Variants in SPTAN1 observed in about 807,000 individuals in gnomAD.
SPTAN1 encodes the protein spectrin alpha chain, non-erythrocytic 1.
A neutral mutation model predicts 331.3 loss-of-function variants in SPTAN1; 61 were observed. That is an observed-to-expected ratio of 0.18 (90% CI 0.15 to 0.23). SPTAN1 has a LOEUF of 0.23. SPTAN1 is among the 10% of genes least tolerant of loss of function. SPTAN1 has a pLI of 1.00. For synonymous variants in SPTAN1, 1,153 were observed against 1,173.9 expected, an observed-to-expected ratio of 0.98 and a Z score of 0.36; for missense variants, 2,043 against 3,147.9, an observed-to-expected ratio of 0.65 and a Z score of 8.40.
Position 128,584,451 on chromosome 9 carries a change from A to C in SPTAN1, c.2363A>C (p.Gln788Pro). The C allele has an allele frequency of 6.2e-7, 1 of 1,614,122 alleles. No homozygotes were observed. Among genetic ancestry groups the C allele is most frequent in the Non-Finnish European group, 8.5e-7 (1 of 1,179,988 alleles). ...CTGGCCGATTCTCTGCGGTTGCAGC[A>C]GCTCTTCCGGGATGTTGAGGATGAG... ...QKLADSLRLQ[Q>P]LFRDVEDEET... Residue 788 changes from glutamine to proline, a missense_variant, in exon 17 of 57, where the codon CAG (glutamine) becomes CCG (proline). Coordinates refer to ENST00000372739, the MANE Select transcript of SPTAN1 (RefSeq NM_001130438.3).
Position 128,577,031 on chromosome 9 carries a change from G to GT in SPTAN1, c.785+76dup. 6.2e-7 allele frequency: 1 copy of GT among 1,613,614 alleles called. No homozygotes were observed. Reference sequence around the variant, plus strand: ...GTTGTGAAGCACAGGGCATGTGCTGGTGAGCTGTCGAGGCTGACTAGGCCT... The same window carrying GT: ...GTTGTGAAGCACAGGGCATGTGCTGGTTGAGCTGTCGAGGCTGACTAGGCCT... On this transcript the variant is annotated intron_variant, in intron 6 of 56. Coordinates refer to ENST00000372739, the MANE Select transcript of SPTAN1 (RefSeq NM_001130438.3). The surrounding 1 kb of genome is among the most constrained non-coding windows in gnomAD (Gnocchi z 4.2).
intron 52 of SPTAN1, chr9:128,631,690 G>A (rs1172400160): frequency 5.2e-5 from 10 of 193,484 alleles, no homozygotes; most frequent in Admixed American, 2.7e-4. Context: ...GGCAGGTGTG[G>A]TGATGGGCAC....
chr9:128,587,804 C>CT, intron 20 of SPTAN1, 106 bp downstream of exon 20: 1 of 812,694 alleles, frequency 1.2e-6, no homozygotes, highest in Non-Finnish European at 2.1e-6. Context: ...GCTATTAACT[C>CT]TTGTGACACA....
chr9:128,606,777 C>T (rs1480298156), intron 31 of SPTAN1, among the ~76,000 whole-genome samples: 7 of 152,076 alleles, frequency 4.6e-5, no homozygotes, highest in Non-Finnish European at 8.8e-5. Context: ...TGAGCCACTG[C>T]GCCTGGTTGT....
chr9:128,562,992 G>GTATATATATATATATA (rs1168781290), intron 1 of SPTAN1, among the ~76,000 whole-genome samples: 1 of 3,114 alleles, frequency 3.2e-4, no homozygotes, highest in African/African-American at 3.9e-4. Context: ...ACATGTATGT[G>GTATATATATATATATA]TATATATATA....
At position 128,577,123 on chromosome 9, in the gene SPTAN1, C is replaced by T. The variant is rs1270212842; in HGVS notation, c.786-6C>T. On this transcript the variant is annotated splice_region_variant and splice_polypyrimidine_tract_variant and intron_variant, in intron 6 of 56. Transcript: ENST00000372739. This position sits in a 1 kb window ranked among gnomAD's most constrained non-coding sequence, Gnocchi z 4.2. ...CTGTGGATTAACTGGTGCCTTTGTT[C>T]TGTAGGGATGTGGATGAGACTATCA... 1 of 1,614,084 alleles carries T rather than the reference C, an allele frequency of 6.2e-7. No homozygotes were observed. Among genetic ancestry groups the T allele is most frequent in the East Asian group, 2.2e-5 (1 of 44,876 alleles).
At chr9:128,618,229 G>A (rs1307708754) in intron 43 of SPTAN1, 121 bp downstream of exon 43, 5 of 1,474,126 alleles carry the variant, frequency 3.4e-6, no homozygotes, top group Non-Finnish European at 4.6e-6. Flanking sequence ...GGCCTCACAT[G>A]TGCCATAGTC....
chr9:128,585,816 G>A lies in SPTAN1; in HGVS notation c.2629G>A (p.Ala877Thr). The stretch of plus-strand genomic sequence containing the variant: ...GAACCAAAAGTGGGAGGCACTGAAA[G>A]CCAAAGCTTCCCAGCGTCGGCAGGA... ...ELNQKWEALK[A>T]KASQRRQDLE... The change falls in exon 19 of 57, where the codon GCC (alanine) becomes ACC (threonine). Residue 877 changes from alanine to threonine, a missense_variant. This residue lies in a region of SPTAN1 where 1,038 missense variants were observed against 1,531.5 expected (regional missense o/e 0.68). Coordinates refer to ENST00000372739, the MANE Select transcript of SPTAN1 (RefSeq NM_001130438.3). 1.2e-6 allele frequency: 2 copies of A among 1,614,226 alleles called. No individual in the cohort carries two copies. Among genetic ancestry groups the A allele is most frequent in the Non-Finnish European group, 1.7e-6 (2 of 1,180,040 alleles).
intron 31 of SPTAN1, among the ~76,000 whole-genome samples, chr9:128,607,106 C>G (rs756767736): frequency 1.3e-5 from 2 of 152,310 alleles, no homozygotes; most frequent in South Asian, 4.1e-4. Context: ...CTGTGAGAAA[C>G]TGGATCAAAT....
Position 128,617,621 on chromosome 9 carries a change from T to C in SPTAN1, c.5358-19T>C, listed in dbSNP as rs916573283. Reference sequence around the variant, plus strand: ...GGAGGTGCAGAGACTGACTGTGCTGTTTCCCATCTCTCATTCAGGGAGAAG... The same window carrying C: ...GGAGGTGCAGAGACTGACTGTGCTGCTTCCCATCTCTCATTCAGGGAGAAG... On this transcript the variant is annotated intron_variant, in intron 41 of 56. Transcript: ENST00000372739. 6.2e-7 allele frequency: 1 copy of C among 1,614,112 alleles called. No individual in the cohort carries two copies. The highest frequency in any genetic ancestry group is 1.3e-5 in the African/African-American group (1 of 75,052).
At chr9:128,616,672 C>G (rs1857204971) in intron 41 of SPTAN1, among the ~76,000 whole-genome samples, 2 of 151,510 alleles carry the variant, frequency 1.3e-5, no homozygotes, top group South Asian at 4.2e-4. Flanking sequence ...GAGGCTGAGG[C>G]AGGATAATCG....
chr9:128,577,132 T>C lies in SPTAN1; in HGVS notation c.789T>C (p.Asp263=), dbSNP rs772435490. 17 of 1,614,106 alleles carry C rather than the reference T, an allele frequency of 1.1e-5. 2 individuals carry two copies. The Middle Eastern group carries it at 4.9e-4, about 47-fold the overall frequency. Residue 263 remains aspartate (D), a synonymous_variant, in exon 7 of 57, where the codon GAT becomes GAC. Coordinates refer to ENST00000372739, the MANE Select transcript of SPTAN1 (RefSeq NM_001130438.3). The surrounding 1 kb of genome is among the most constrained non-coding windows in gnomAD (Gnocchi z 4.2). ...GAAEVQRFNR[D]VDETISWIKE... ...AACTGGTGCCTTTGTTCTGTAGGGA[T>C]GTGGATGAGACTATCAGTTGGATTA...
rs1253217137 is a variant in SPTAN1, at chr9:128,566,888, C to G, written c.148C>G (p.Gln50Glu). The G allele has an allele frequency of 6.2e-7, 1 of 1,614,006 alleles. No individual in the cohort carries two copies. Among genetic ancestry groups the G allele is most frequent in the Non-Finnish European group, 8.5e-7 (1 of 1,180,034 alleles). The part of the protein sequence containing the change: ...LEDSYRFQFF[Q>E]RDAEELEKWI... ...AGATTCCTATCGATTCCAGTTCTTT[C>G]AAAGAGATGCTGAAGAGCTGGAGAA... The change falls in exon 2 of 57, where the codon CAA becomes GAA. Residue 50 changes from glutamine (Q) to glutamate (E), a missense_variant. Physicochemically the swap from Gln to Glu is conservative, Grantham distance 29. This residue lies in a region of SPTAN1 where 1,038 missense variants were observed against 1,531.5 expected (regional missense o/e 0.68). Transcript: ENST00000372739.
chr9:128,568,991 G>A (rs1850356203), intron 3 of SPTAN1, 94 bp downstream of exon 3: 2 of 1,553,444 alleles, frequency 1.3e-6, no homozygotes, highest in Admixed American at 1.7e-5. Flanking sequence ...CAAAAAGATA[G>A]ACTTTTCCAG....
At position 128,607,664 on chromosome 9, in the gene SPTAN1, G is replaced by A. The variant is rs760414043; in HGVS notation, c.4107G>A (p.Lys1369=). The change falls in exon 32 of 57, where the codon AAG becomes AAA. Residue 1369 remains lysine (K), a synonymous_variant. Transcript: ENST00000372739. ...TGGTGTCCTCAGATGAGCTAGCCAAGGATGTCACCGGAGCTGAGGCATTGC... is the reference window on the plus strand; with the variant it reads ...TGGTGTCCTCAGATGAGCTAGCCAAAGATGTCACCGGAGCTGAGGCATTGC... The part of the protein sequence containing the change: ...RGLVSSDELA[K]DVTGAEALLE... The A allele has an allele frequency of 1.2e-6, 2 of 1,614,120 alleles. No homozygotes were observed. The highest frequency in any genetic ancestry group is 2.2e-5 in the South Asian group (2 of 91,064).
In SPTAN1 at chr9:128,608,978, G is replaced by T; in HGVS notation, c.4595+1G>T. 1 of 1,614,196 alleles carries T rather than the reference G, an allele frequency of 6.2e-7. No homozygotes were observed. The highest frequency in any genetic ancestry group is 8.5e-7 in the Non-Finnish European group (1 of 1,180,004). On this transcript the variant is annotated splice_donor_variant, in intron 35 of 56. Coordinates refer to ENST00000372739, the MANE Select transcript of SPTAN1 (RefSeq NM_001130438.3). LOFTEE classifies it high-confidence loss of function. Reference sequence around the variant, plus strand: ...GCCGGCGCAATGAGGTCTTGGACAGGTGGGTGTCCTGTGGCACTGACATAG... The same window carrying T: ...GCCGGCGCAATGAGGTCTTGGACAGTTGGGTGTCCTGTGGCACTGACATAG...
At chr9:128,565,166 G>A (rs1849870737) in intron 1 of SPTAN1, among the ~76,000 whole-genome samples, 1 of 152,158 alleles carries the variant, frequency 6.6e-6, no homozygotes, top group South Asian at 2.1e-4. Flanking sequence ...AGCTGGGCGT[G>A]GTGGTGCAGG....
At chr9:128,561,045 G>A (rs1184226498) in intron 1 of SPTAN1, among the ~76,000 whole-genome samples, 1 of 130,454 alleles carries the variant, frequency 7.7e-6, no homozygotes, top group Non-Finnish European at 1.6e-5. Context: ...AGAAGTGAAA[G>A]GAACTAATAA....
In SPTAN1 at chr9:128,582,842, C is replaced by A. The variant is rs745720603; in HGVS notation, c.1799C>A (p.Ala600Asp). The change falls in exon 14 of 57, where the codon GCT becomes GAT. Residue 600 changes from alanine (A) to aspartate (D), a missense_variant. Physicochemically the swap from Ala to Asp is moderately radical, Grantham distance 126 (BLOSUM62 -2). Coordinates refer to ENST00000372739, the MANE Select transcript of SPTAN1 (RefSeq NM_001130438.3). ...AAGATGAAAACTGCCACAGATGAAG[C>A]TTATAAAGTAATGTACTGTTAGTGT... ...NEKMKTATDE[A>D]YKDPSNLQGK... 1 of 1,612,712 alleles carries A rather than the reference C, an allele frequency of 6.2e-7. No individual in the cohort carries two copies. Among genetic ancestry groups the A allele is most frequent in the Non-Finnish European group, 8.5e-7 (1 of 1,180,024 alleles).
Sources: gnomAD v4.1 joint callset for allele counts (sites outside exome capture counted in the v4.1 genomes callset) on GRCh38, gnomAD v4.1.1 for gene constraint, gnomAD v4.1.1 regional missense constraint, Gnocchi (gnomAD v3.1) non-coding constraint, MANE v1.5 for transcripts, NCBI Gene and HGNC (gene_info 2026-07-23, HGNC 2026-07-21) for gene names.